The following CNTNAP2 variants were observed in gnomAD, a reference collection of about 807,000 sequenced individuals.
The protein encoded by CNTNAP2 is contactin associated protein 2, also known as contactin-associated protein-like 2.
A neutral mutation model predicts 155.2 loss-of-function variants in CNTNAP2; 98 were observed. The ratio of observed to expected loss-of-function variants is 0.63; its 90% CI spans 0.54 to 0.75. The LOEUF (loss-of-function observed/expected upper bound fraction) is 0.75. Ranked by LOEUF, CNTNAP2 falls within the 30% of genes least tolerant of loss-of-function variation. The pLI, the probability that CNTNAP2 is intolerant of heterozygous loss-of-function variation, is 0.00. For synonymous variants in CNTNAP2, 651 were observed against 631.2 expected, an observed-to-expected ratio of 1.03 and a Z score of -0.47; for missense variants, 1,727 against 1,688.1, an observed-to-expected ratio of 1.02 and a Z score of -0.40.
At chr7:146,904,102 G>A (rs916076352) in intron 3 of CNTNAP2, among the ~76,000 whole-genome samples, 13 of 152,048 alleles carry the variant, frequency 8.5e-5, no homozygotes, top group Admixed American at 7.2e-4. Flanking sequence ...AATAGCTCAG[G>A]TTCTCAAAAT....
At position 147,548,976 on chromosome 7, in the gene CNTNAP2, G is replaced by A. The variant is rs186195282; in HGVS notation, c.1778-13162G>A. 4.5e-3 allele frequency among the ~76,000 whole-genome samples: 692 copies of A among 152,146 alleles called. 3 individuals are homozygous for A. The highest frequency in any genetic ancestry group is 0.022 in the South Asian group (106 of 4,808). ...TTCCATTGGTCTATATGTCTGTTTC[G>A]GTACCAGTACATGCTCTTTTGGTTA... On this transcript the variant is annotated intron_variant, in intron 11 of 23. Transcript: ENST00000361727.
At chr7:146,300,720 G>A (rs1800592876) in intron 1 of CNTNAP2, among the ~76,000 whole-genome samples, 1 of 151,918 alleles carries the variant, frequency 6.6e-6, no homozygotes, top group African/African-American at 2.4e-5. Context: ...AAATTTATAA[G>A]TTGTATATAC....
chr7:148,284,628 A>G (rs1797049515), intron 21 of CNTNAP2, among the ~76,000 whole-genome samples: 2 of 151,188 alleles, frequency 1.3e-5, no homozygotes, highest in African/African-American at 2.4e-5. Context: ...GTGAAATCTC[A>G]TGGTGCTTCC....
chr7:146,266,001 C>A (rs1799988571), intron 1 of CNTNAP2, among the ~76,000 whole-genome samples: 2 of 151,918 alleles, frequency 1.3e-5, no homozygotes, highest in South Asian at 4.2e-4. Flanking sequence ...GCCTCGCTTG[C>A]AATTAGCTAT....
chr7:148,286,598 T>TA (rs11424873), intron 21 of CNTNAP2, among the ~76,000 whole-genome samples: 59,831 of 151,934 alleles, frequency 0.39, 12,379 homozygotes, highest in East Asian at 0.61. Flanking sequence ...TAAAACACGT[T>TA]AAAAAAAATC....
rs559283085 is a variant in CNTNAP2, at chr7:146,780,352, A to AT, written c.208+5981dup. Among the ~76,000 whole-genome samples the AT allele has an allele frequency of 8.0e-3, 1,195 of 148,618 alleles. 7 individuals carry two copies. Among genetic ancestry groups the AT allele is most frequent in the Non-Finnish European group, 0.012 (793 of 66,832 alleles). The stretch of plus-strand genomic sequence containing the variant: ...AGGCGCCCGCCACCATGCCTGGCTA[A>AT]TTTTTTTTTTGTATTTTTAGTGGAG... On this transcript the variant is annotated intron_variant, in intron 2 of 23. Coordinates refer to ENST00000361727, the MANE Select transcript of CNTNAP2 (RefSeq NM_014141.6).
chr7:146,736,365 G>A (rs1310935120), intron 1 of CNTNAP2, among the ~76,000 whole-genome samples: 2 of 152,154 alleles, frequency 1.3e-5, no homozygotes, highest in Admixed American at 6.5e-5. Context: ...GACTCAGTCA[G>A]GTGTCCTTAT....
At chr7:147,028,407 GT>G (rs1798962782) in intron 3 of CNTNAP2, among the ~76,000 whole-genome samples, 2 of 152,200 alleles carry the variant, frequency 1.3e-5, no homozygotes, top group African/African-American at 4.8e-5. Context: ...ATTTGGTGGA[GT>G]TTGTTTTCTT....
rs190494351 is a variant in CNTNAP2 at position 148,017,305 on chromosome 7, A to T, written c.2383+39316A>T. Among the ~76,000 whole-genome samples, 236 of 152,328 alleles carry T rather than the reference A, an allele frequency of 1.5e-3. 1 individual carries two copies. The highest frequency in any genetic ancestry group is 6.8e-3 in the Admixed American group (104 of 15,296). ...GAACTGTGGTAACAGCAGTTATGAAACTTATCACAGTTCATCTGATAAACT... is the reference window on the plus strand; with the variant it reads ...GAACTGTGGTAACAGCAGTTATGAATCTTATCACAGTTCATCTGATAAACT... On this transcript the variant is annotated intron_variant, in intron 15 of 23. Coordinates refer to ENST00000361727, the MANE Select transcript of CNTNAP2 (RefSeq NM_014141.6).
At chr7:147,777,251 T>A (rs1483764779) in intron 13 of CNTNAP2, among the ~76,000 whole-genome samples, 1 of 152,204 alleles carries the variant, frequency 6.6e-6, no homozygotes, top group African/African-American at 2.4e-5. Context: ...CATGTATCTC[T>A]TTAAGGACAG....
chr7:147,724,179 T>C (rs1796607817), intron 13 of CNTNAP2, among the ~76,000 whole-genome samples: 1 of 152,000 alleles, frequency 6.6e-6, no homozygotes, highest in Admixed American at 6.6e-5. Flanking sequence ...AAAGAAGGCC[T>C]ACCAAACATG....
At chr7:146,455,890 A>C (rs1344446246) in intron 1 of CNTNAP2, among the ~76,000 whole-genome samples, 1 of 152,194 alleles carries the variant, frequency 6.6e-6, no homozygotes, top group African/African-American at 2.4e-5. Context: ...GTACAAGAGT[A>C]ACCTTAAAAG....
chr7:147,972,731 T>C (rs1037552227), intron 14 of CNTNAP2, among the ~76,000 whole-genome samples: 16 of 152,342 alleles, frequency 1.1e-4, no homozygotes, highest in African/African-American at 3.6e-4. Flanking sequence ...TAGCTTATTA[T>C]GCTAACATGA....
rs572969133 is a variant in CNTNAP2 at position 147,867,914 on chromosome 7, G to T, written c.2099-35651G>T. On this transcript the variant is annotated intron_variant, in intron 13 of 23. Transcript: ENST00000361727. Reference sequence around the variant, plus strand: ...TAGAACATGCTCCTTTAGCTCAGAAGTTTGTTATTATCAACCTTCTGAAGC... The same window carrying T: ...TAGAACATGCTCCTTTAGCTCAGAATTTTGTTATTATCAACCTTCTGAAGC... Among the ~76,000 whole-genome samples the T allele has an allele frequency of 3.9e-5, 6 of 152,126 alleles. No homozygotes were observed. The South Asian group carries it at 8.3e-4, about 21-fold the overall frequency.
At chr7:147,146,128 A>C (rs1029986307) in intron 8 of CNTNAP2, 3 of 152,210 alleles carry the variant, frequency 2.0e-5, no homozygotes, top group African/African-American at 7.2e-5. Flanking sequence ...ATGAAAATTT[A>C]ATTATATTAC....
intron 4 of CNTNAP2, among the ~76,000 whole-genome samples, chr7:147,063,183 A>G (rs1027389148): frequency 1.3e-5 from 2 of 152,208 alleles, no homozygotes; most frequent in African/African-American, 4.8e-5. Flanking sequence ...GCTTAGCCCC[A>G]TGCTCTTCCA....
chr7:146,697,099 C>T (rs1406481147), intron 1 of CNTNAP2, among the ~76,000 whole-genome samples: 1 of 152,162 alleles, frequency 6.6e-6, no homozygotes, highest in African/African-American at 2.4e-5. Context: ...TCATAGTCTT[C>T]AACCATAATA....
intron 1 of CNTNAP2, among the ~76,000 whole-genome samples, chr7:146,199,529 A>T (rs1798826532): frequency 6.6e-6 from 1 of 152,232 alleles, no homozygotes; most frequent in African/African-American, 2.4e-5. Flanking sequence ...TTACCACAGG[A>T]GTTAAATAAT....
At position 147,239,908 on chromosome 7, in the gene CNTNAP2, AT is replaced by A. The variant is rs1803900523; in HGVS notation, c.1349-60227del. On this transcript the variant is annotated intron_variant, in intron 8 of 23. Coordinates refer to ENST00000361727, the MANE Select transcript of CNTNAP2 (RefSeq NM_014141.6). ...GTAATGCATCTTTTTCATATATAAT[AT>A]TTTTTATTTCAAAGTTTTTGGGGTA... 2.0e-5 allele frequency among the ~76,000 whole-genome samples: 3 copies of A among 152,216 alleles called. 1 individual carries two copies. The highest frequency in any genetic ancestry group is 6.8e-3 in the Middle Eastern group (2 of 294).
Sources: gnomAD v4.1 joint callset for allele counts (sites outside exome capture counted in the v4.1 genomes callset) on GRCh38, gnomAD v4.1.1 for gene constraint, MANE v1.5 for transcripts, NCBI Gene and HGNC (gene_info 2026-07-23, HGNC 2026-07-21) for gene names.